KLHL29: variants seen among roughly 807,000 people sequenced by gnomAD.
KLHL29 encodes kelch like family member 29, also known as kelch-like protein 29.
In KLHL29, 21 loss-of-function variants were observed where a neutral mutation model predicts 80.4. The observed-to-expected ratio is 0.26, with a 90% CI of 0.19 to 0.38. The LOEUF is 0.38. Among genes scored for constraint, KLHL29 ranks in the 10% least tolerant of loss-of-function variants. The pLI is 1.00. For synonymous variants in KLHL29, 511 were observed against 526.8 expected (o/e 0.97, Z 0.41); for missense variants, 867 against 1,223.9 (o/e 0.71, Z 4.35).
intron 2 of KLHL29, among the ~76,000 whole-genome samples, chr2:23,537,194 C>G (rs1666695699): frequency 6.6e-6 from 1 of 152,160 alleles, no homozygotes. Context: ...TCGGCTAATT[C>G]AGTTGGTGGG....
intron 1 of KLHL29, among the ~76,000 whole-genome samples, chr2:23,414,436 AACAG>A (rs1666939145): frequency 6.6e-6 from 1 of 152,242 alleles, no homozygotes; most frequent in Non-Finnish European, 1.5e-5. Context: ...GCAAGAAATT[AACAG>A]ACAGTGAGTA....
chr2:23,586,781 G>A (rs139488727), intron 3 of KLHL29, among the ~76,000 whole-genome samples: 102 of 152,186 alleles, frequency 6.7e-4, no homozygotes, highest in African/African-American at 2.2e-3. Flanking sequence ...CCTCAGCCTC[G>A]AGAGGGCTGC....
intron 1 of KLHL29, among the ~76,000 whole-genome samples, chr2:23,424,810 A>G (rs1662962406): frequency 2.0e-5 from 3 of 152,374 alleles, no homozygotes; most frequent in East Asian, 3.9e-4. Flanking sequence ...GCTTTATCTC[A>G]TCATTTAGAT....
Position 23,497,028 on chromosome 2 carries a change from C to T in KLHL29, c.-46+21361C>T, listed in dbSNP as rs112188498. Among the ~76,000 whole-genome samples, 963 of 151,066 alleles carry T rather than the reference C, an allele frequency of 6.4e-3. 12 individuals carry two copies. Among genetic ancestry groups the T allele is most frequent in the African/African-American group, 0.022 (907 of 41,086 alleles). ...GTCACAGTTATATTTGTTCTGCAAC[C>T]ATATAAGAATCACGAGTTTCTCCTA... On this transcript the variant is annotated intron_variant, in intron 2 of 13. Transcript: ENST00000486442.
At chr2:23,510,213 G>A (rs1053673832) in intron 2 of KLHL29, among the ~76,000 whole-genome samples, 4 of 152,138 alleles carry the variant, frequency 2.6e-5, no homozygotes, top group Non-Finnish European at 5.9e-5. Context: ...ATTTCTAGTG[G>A]TTATGGCAGG....
intron 2 of KLHL29, among the ~76,000 whole-genome samples, chr2:23,543,908 G>A (rs1244887897): frequency 6.6e-6 from 1 of 152,150 alleles, no homozygotes; most frequent in Admixed American, 6.5e-5. Context: ...ACCCCGGGCT[G>A]GTGATGTCAT....
At chr2:23,409,568 T>C (rs1034116346) in intron 1 of KLHL29, among the ~76,000 whole-genome samples, 3 of 152,228 alleles carry the variant, frequency 2.0e-5, no homozygotes, top group Non-Finnish European at 4.4e-5. Context: ...CATCAGCAAT[T>C]CCTCTGTGTT....
intron 1 of KLHL29, 64 bp downstream of exon 1, chr2:23,385,844 C>A: frequency 6.6e-6 from 1 of 151,836 alleles, no homozygotes; most frequent in South Asian, 1.9e-4. Context: ...AGGTCCTGGC[C>A]GCCGCGTGGG....
chr2:23,403,995 C>T (rs143639722), intron 1 of KLHL29, among the ~76,000 whole-genome samples: 86 of 152,228 alleles, frequency 5.6e-4, no homozygotes, highest in Non-Finnish European at 9.4e-4. Flanking sequence ...TTCTCTGCAG[C>T]GGTGGTTCCA....
chr2:23,598,926 C>T (rs1668497782), intron 3 of KLHL29, among the ~76,000 whole-genome samples: 1 of 152,220 alleles, frequency 6.6e-6, no homozygotes, highest in Admixed American at 6.5e-5. Flanking sequence ...GCAGTGTGGG[C>T]AGTGGAAAGC....
chr2:23,577,761 A>C (rs1667880103), intron 3 of KLHL29, among the ~76,000 whole-genome samples: 1 of 151,494 alleles, frequency 6.6e-6, no homozygotes, highest in Non-Finnish European at 1.5e-5. Flanking sequence ...AAAAAAAAAA[A>C]AGAAAAGAAA....
chr2:23,633,923 A>G (rs189085584), intron 3 of KLHL29, among the ~76,000 whole-genome samples: 1 of 151,570 alleles, frequency 6.6e-6, no homozygotes. Context: ...TCCCCTTTGC[A>G]TTTCCTCATG....
chr2:23,569,999 A>G (rs1028553662), intron 3 of KLHL29, among the ~76,000 whole-genome samples: 13 of 152,314 alleles, frequency 8.5e-5, no homozygotes, highest in South Asian at 4.1e-4. Flanking sequence ...TCAACACTCC[A>G]TTTGCTGCCC....
rs1671121996 is a variant in KLHL29 at position 23,682,682 on chromosome 2, A to C, written c.941-1717A>C. On this transcript the variant is annotated intron_variant, in intron 5 of 13. Coordinates refer to ENST00000486442, the MANE Select transcript of KLHL29 (RefSeq NM_052920.2). This position sits in a 1 kb window ranked among gnomAD's most constrained non-coding sequence, Gnocchi z 4.1. ...CCCTCGTGCTCCTGCACCCTCCCACACCCTCCCGCACCCTCCCGCGCCCTC... is the reference window on the plus strand; with the variant it reads ...CCCTCGTGCTCCTGCACCCTCCCACCCCCTCCCGCACCCTCCCGCGCCCTC... Among the ~76,000 whole-genome samples, 1 of 144,506 alleles carries C rather than the reference A, an allele frequency of 6.9e-6. No homozygotes were observed. Among genetic ancestry groups the C allele is most frequent in the African/African-American group, 2.6e-5 (1 of 38,572 alleles). The allele number at this position is 144,506 out of a possible 152,430, so 94.8% of individuals were successfully genotyped here. A position where few individuals can be genotyped will look rare whatever the true frequency, so the allele number is the denominator to read the frequency against.
chr2:23,613,939 A>G (rs1179242219), intron 3 of KLHL29, among the ~76,000 whole-genome samples: 1 of 152,132 alleles, frequency 6.6e-6, no homozygotes, highest in African/African-American at 2.4e-5. Context: ...CTCCCATTCT[A>G]TCCCTTAAAA....
intron 5 of KLHL29, among the ~76,000 whole-genome samples, chr2:23,666,447 G>C (rs1172995186): frequency 6.6e-6 from 1 of 152,116 alleles, no homozygotes; most frequent in Non-Finnish European, 1.5e-5. Flanking sequence ...TGACCTGTGG[G>C]AAGAGAGCAG....
chr2:23,442,071 G>A (rs1426800332), intron 1 of KLHL29, among the ~76,000 whole-genome samples: 1 of 152,078 alleles, frequency 6.6e-6, no homozygotes, highest in African/African-American at 2.4e-5. Context: ...GTTATGTGGT[G>A]GGCTCAGTGT....
At chr2:23,416,886 G>C (rs1186454874) in intron 1 of KLHL29, among the ~76,000 whole-genome samples, 1 of 152,082 alleles carries the variant, frequency 6.6e-6, no homozygotes, top group Non-Finnish European at 1.5e-5. Flanking sequence ...CTGACTGTGA[G>C]ACCCATAACA....
chr2:23,684,329 A>G lies in KLHL29; in HGVS notation c.941-70A>G. ...TCTACTTCTTGAAAAAAGAAAAAAA[A>G]CTTTTTTTAATTAAAAAAAAAAAAA... is the stretch of plus-strand genomic sequence containing the variant. On this transcript the variant is annotated intron_variant, in intron 5 of 13. Transcript: ENST00000486442. The surrounding 1 kb of genome is among the most constrained non-coding windows in gnomAD (Gnocchi z 4.4). 8.4e-7 allele frequency: 1 copy of G among 1,195,258 alleles called. No homozygotes were observed. The highest frequency in any genetic ancestry group is 2.9e-5 in the East Asian group (1 of 34,328). 74.0% of individuals were successfully genotyped at this position (1,195,258 alleles called of 1,614,324 possible).
Sources: gnomAD v4.1 joint callset for allele counts (sites outside exome capture counted in the v4.1 genomes callset) on GRCh38, gnomAD v4.1.1 for gene constraint, Gnocchi (gnomAD v3.1) non-coding constraint, MANE v1.5 for transcripts, NCBI Gene and HGNC (gene_info 2026-07-23, HGNC 2026-07-21) for gene names.